Variants in ADAMTS12 observed in about 807,000 individuals in gnomAD.
ADAMTS12 encodes ADAM metallopeptidase with thrombospondin type 1 motif 12, also known as A disintegrin and metalloproteinase with thrombospondin motifs 12.
Under a neutral mutation model 167.8 loss-of-function variants are expected in ADAMTS12, and 118 were observed. That is an observed-to-expected ratio of 0.70 (90% CI 0.61 to 0.82). The LOEUF (loss-of-function observed/expected upper bound fraction) is 0.82. Among genes scored for constraint, ADAMTS12 ranks in the 40% least tolerant of loss-of-function variants. The probability of loss-of-function intolerance (pLI) is 0.00; values close to 1 mark genes in which losing one functional copy is unlikely to be tolerated. For synonymous variants in ADAMTS12, 704 were observed against 716.9 expected, an observed-to-expected ratio of 0.98 and a Z score of 0.29; for missense variants, 1,916 against 1,998.8, an observed-to-expected ratio of 0.96 and a Z score of 0.79.
At chr5:33,849,342 CAA>C (rs1561306602) in intron 2 of ADAMTS12, among the ~76,000 whole-genome samples, 2 of 123,200 alleles carry the variant, frequency 1.6e-5, no homozygotes, top group African/African-American at 3.2e-5. Context: ...TATTGAATAG[CAA>C]TATATATATG....
intron 3 of ADAMTS12, among the ~76,000 whole-genome samples, chr5:33,690,015 G>A (rs4866362): frequency 0.22 from 34,199 of 152,116 alleles, 4,029 homozygotes; most frequent in East Asian, 0.42. Flanking sequence ...TGAGTTGGGC[G>A]AACACACGTT....
At chr5:33,843,869 T>C (rs1748841977) in intron 2 of ADAMTS12, among the ~76,000 whole-genome samples, 1 of 152,184 alleles carries the variant, frequency 6.6e-6, no homozygotes, top group Non-Finnish European at 1.5e-5. Flanking sequence ...TGGCACACAA[T>C]TTAAAACTTA....
intron 2 of ADAMTS12, among the ~76,000 whole-genome samples, chr5:33,817,722 A>G (rs1197911741): frequency 1.1e-4 from 17 of 152,126 alleles, no homozygotes; most frequent in Non-Finnish European, 2.2e-4. Flanking sequence ...AAAAAAAAAT[A>G]CAACTACAAT....
chr5:33,882,559 ACTT>A (rs1363479986), intron 1 of ADAMTS12, among the ~76,000 whole-genome samples: 4 of 152,018 alleles, frequency 2.6e-5, no homozygotes, highest in East Asian at 3.9e-4. Context: ...TCTGGATTAC[ACTT>A]CTTCTTTTTT....
intron 2 of ADAMTS12, among the ~76,000 whole-genome samples, chr5:33,830,888 C>T (rs1748272715): frequency 6.6e-6 from 1 of 152,004 alleles, no homozygotes. Flanking sequence ...ATAAGTTAAA[C>T]ATATATATTA....
At chr5:33,834,162 G>C (rs528427497) in intron 2 of ADAMTS12, among the ~76,000 whole-genome samples, 4 of 152,234 alleles carry the variant, frequency 2.6e-5, no homozygotes, top group Admixed American at 6.5e-5. Context: ...AGTCATATTG[G>C]ATTAAGGTCT....
intron 21 of ADAMTS12, among the ~76,000 whole-genome samples, chr5:33,547,473 G>A (rs898848636): frequency 2.0e-5 from 3 of 152,186 alleles, no homozygotes; most frequent in African/African-American, 7.2e-5. Flanking sequence ...TAGTTGAGGC[G>A]GGCCGATATG....
chr5:33,847,627 A>G (rs565699994), intron 2 of ADAMTS12, among the ~76,000 whole-genome samples: 1 of 152,238 alleles, frequency 6.6e-6, no homozygotes, highest in East Asian at 1.9e-4. Flanking sequence ...CCATCTCAAA[A>G]AAAAAAAGAA....
Position 33,630,926 on chromosome 5 carries a change from A to G in ADAMTS12, c.1889-13T>C, listed in dbSNP as rs4563632. On this transcript the variant is annotated splice_polypyrimidine_tract_variant and intron_variant, in intron 12 of 23. Transcript: ENST00000504830. ...TCACAAGGATGTGCTGAAGGGAAAA[A>G]AGAAGGCAAAGCCTTGCAAATTAGC... 1.4e-3 allele frequency: 2,265 copies of G among 1,610,708 alleles called. 30 individuals carry two copies. In the African/African-American group the frequency reaches 0.027, roughly 19 times the overall value.
intron 3 of ADAMTS12, among the ~76,000 whole-genome samples, chr5:33,736,594 A>G (rs191892644): frequency 3.7e-4 from 57 of 152,294 alleles, no homozygotes; most frequent in African/African-American, 1.3e-3. Context: ...TAACCTCGAC[A>G]TTTCCCCAGG....
At chr5:33,849,673 T>C (rs912114397) in intron 2 of ADAMTS12, among the ~76,000 whole-genome samples, 4 of 148,126 alleles carry the variant, frequency 2.7e-5, no homozygotes, top group Non-Finnish European at 4.5e-5. Flanking sequence ...TATATATGTA[T>C]TGCACAGCAA....
chr5:33,833,132 G>A (rs1053661339), intron 2 of ADAMTS12, among the ~76,000 whole-genome samples: 22 of 152,304 alleles, frequency 1.4e-4, no homozygotes, highest in Non-Finnish European at 2.9e-4. Context: ...AGTGTGAGAT[G>A]ATGATCATGA....
At chr5:33,751,793 C>G (rs1361285350) in intron 2 of ADAMTS12, among the ~76,000 whole-genome samples, 1 of 152,210 alleles carries the variant, frequency 6.6e-6, no homozygotes, top group African/African-American at 2.4e-5. Context: ...AAAGTGCACA[C>G]ATACACATGT....
At chr5:33,665,575 A>C (rs1741436421) in intron 5 of ADAMTS12, among the ~76,000 whole-genome samples, 2 of 152,320 alleles carry the variant, frequency 1.3e-5, no homozygotes, top group African/African-American at 4.8e-5. Context: ...GAGGGACCTA[A>C]ACCAAAGCCA....
intron 14 of ADAMTS12, among the ~76,000 whole-genome samples, chr5:33,618,007 C>A (rs910829591): frequency 2.0e-5 from 3 of 152,154 alleles, no homozygotes; most frequent in South Asian, 2.1e-4. Context: ...TGAGCCCCTA[C>A]GCAAGTAAAA....
intron 7 of ADAMTS12, among the ~76,000 whole-genome samples, chr5:33,656,159 T>C (rs1741053625): frequency 6.6e-6 from 1 of 152,114 alleles, no homozygotes; most frequent in East Asian, 1.9e-4. Flanking sequence ...CATCAGATAG[T>C]TCTGAACGAG....
chr5:33,743,229 G>T (rs1328684610), intron 3 of ADAMTS12, among the ~76,000 whole-genome samples: 2 of 152,326 alleles, frequency 1.3e-5, no homozygotes, highest in South Asian at 2.1e-4. Context: ...TCAGAATGCA[G>T]ATTGAGCTCA....
At chr5:33,735,345 T>C (rs958518144) in intron 3 of ADAMTS12, among the ~76,000 whole-genome samples, 4 of 152,274 alleles carry the variant, frequency 2.6e-5, no homozygotes, top group African/African-American at 9.6e-5. Context: ...GGACTAAACT[T>C]TGAGAACCAA....
intron 13 of ADAMTS12, 38 bp downstream of exon 13, chr5:33,630,742 T>C (rs777271794): frequency 1.3e-6 from 2 of 1,576,978 alleles, no homozygotes; most frequent in Non-Finnish European, 1.7e-6. Context: ...AAAGTCATGA[T>C]TTTATAAAGT....
Sources: gnomAD v4.1 joint callset for allele counts (sites outside exome capture counted in the v4.1 genomes callset) on GRCh38, gnomAD v4.1.1 for gene constraint, MANE v1.5 for transcripts, NCBI Gene and HGNC (gene_info 2026-07-23, HGNC 2026-07-21) for gene names.